The following FKBP15 variants were observed in gnomAD, a reference collection of about 807,000 sequenced individuals.
FKBP15 encodes the protein FKBP prolyl isomerase family member 15.
FKBP15 carries 106 observed loss-of-function variants against 158.1 expected under a neutral mutation model. That is an observed-to-expected ratio of 0.67 (90% CI 0.57 to 0.79). The LOEUF (loss-of-function observed/expected upper bound fraction) is 0.79. Among genes scored for constraint, FKBP15 ranks in the 30% least tolerant of loss-of-function variants. The pLI, the probability that FKBP15 is intolerant of heterozygous loss-of-function variation, is 0.00. For synonymous variants in FKBP15, 547 were observed against 548.6 expected (o/e 1.00, Z 0.04); for missense variants, 1,287 against 1,479.1 (o/e 0.87, Z 2.13).
chr9:113,205,708 A>G (rs891903382), intron 4 of FKBP15, among the ~76,000 whole-genome samples: 1 of 152,218 alleles, frequency 6.6e-6, no homozygotes, highest in African/African-American at 2.4e-5. Context: ...CTTTTATGTC[A>G]GTCTTCACGA....
chr9:113,210,157 C>T (rs1196875775), intron 2 of FKBP15, among the ~76,000 whole-genome samples: 3 of 152,132 alleles, frequency 2.0e-5, no homozygotes, highest in Non-Finnish European at 1.5e-5. Context: ...CCCAACAAAG[C>T]GCACGCTATC....
At chr9:113,193,087 T>C (rs1830605124) in intron 11 of FKBP15, among the ~76,000 whole-genome samples, 2 of 152,174 alleles carry the variant, frequency 1.3e-5, no homozygotes, top group Admixed American at 1.3e-4. Flanking sequence ...TGAGTTCCTT[T>C]TAACTAATGA....
At chr9:113,204,729 C>A (rs1366827224) in intron 4 of FKBP15, among the ~76,000 whole-genome samples, 1 of 152,150 alleles carries the variant, frequency 6.6e-6, no homozygotes, top group Non-Finnish European at 1.5e-5. Flanking sequence ...AATTCTGTCT[C>A]CTGCTGTATT....
At chr9:113,193,310 C>T in intron 11 of FKBP15, among the ~76,000 whole-genome samples, 182 bp downstream of exon 11, 1 of 152,108 alleles carries the variant, frequency 6.6e-6, no homozygotes. Flanking sequence ...CATAAAACCT[C>T]AGCACACTAG....
chr9:113,207,932 C>T (rs1055172986), intron 2 of FKBP15, among the ~76,000 whole-genome samples: 1 of 152,164 alleles, frequency 6.6e-6, no homozygotes, highest in African/African-American at 2.4e-5. Context: ...TTATTTTCTC[C>T]TTCCAGTATT....
chr9:113,176,440 A>AT, intron 21 of FKBP15, 97 bp downstream of exon 21: 1 of 1,328,814 alleles, frequency 7.5e-7, no homozygotes, highest in Non-Finnish European at 1.0e-6. Context: ...TATTATTTGT[A>AT]TTTGTTACAA....
chr9:113,196,663 G>A (rs999523777), intron 9 of FKBP15, among the ~76,000 whole-genome samples: 12 of 152,020 alleles, frequency 7.9e-5, no homozygotes, highest in Admixed American at 5.9e-4. Flanking sequence ...GATTACAGGC[G>A]TGAGCCACTG....
Position 113,163,476 on chromosome 9 carries a change from T to A in FKBP15, c.*2602A>T, listed in dbSNP as rs1186822529. ...TCATGTTGACAAACTAAGTTTTTTT[T>A]ATTTTTCCCATTGAACTCCTAGTTG... On this transcript the variant is annotated 3_prime_UTR_variant, in exon 28 of 28. Coordinates refer to ENST00000238256, the MANE Select transcript of FKBP15 (RefSeq NM_015258.2). 2 of 152,668 alleles carry A rather than the reference T, an allele frequency of 1.3e-5. No individual in the cohort carries two copies. Among genetic ancestry groups the A allele is most frequent in the African/African-American group, 4.8e-5 (2 of 41,452 alleles). 9.5% of individuals were successfully genotyped at this position (152,668 alleles called of 1,614,324 possible). A position where few individuals can be genotyped will look rare whatever the true frequency, so the allele number is the denominator to read the frequency against.
intron 19 of FKBP15, among the ~76,000 whole-genome samples, chr9:113,182,214 G>A (rs527673513): frequency 6.6e-6 from 1 of 152,260 alleles, no homozygotes; most frequent in South Asian, 2.1e-4. Flanking sequence ...GCTGATGAGT[G>A]GTAGCCCAAA....
chr9:113,220,982 AAG>A, intron 1 of FKBP15, among the ~76,000 whole-genome samples: 1 of 152,312 alleles, frequency 6.6e-6, no homozygotes, highest in Middle Eastern at 3.4e-3. Context: ...TCTTCCCGCC[AAG>A]AGAGATGCCG....
Position 113,162,157 on chromosome 9 carries a change from C to A in FKBP15, c.*3921G>T. ...GCAACCATTTAGGGTCCCTGTTCTGCCCTCTGTCCAGCCCCAGCCTCACCT... is the reference window on the plus strand; with the variant it reads ...GCAACCATTTAGGGTCCCTGTTCTGACCTCTGTCCAGCCCCAGCCTCACCT... On this transcript the variant is annotated 3_prime_UTR_variant, in exon 28 of 28. Coordinates refer to ENST00000238256, the MANE Select transcript of FKBP15 (RefSeq NM_015258.2). 3.1e-6 allele frequency: 1 copy of A among 323,776 alleles called. No homozygotes were observed. Among genetic ancestry groups the A allele is most frequent in the South Asian group, 2.6e-5 (1 of 38,234 alleles). 20.1% of individuals were successfully genotyped at this position (323,776 alleles called of 1,614,324 possible).
In FKBP15 at chr9:113,186,288, A is replaced by G. The variant is rs1830484053; in HGVS notation, c.1459T>C (p.Leu487=). ...VTSQLQPVRP[L]YPAPLSQPPH... is the part of the protein sequence containing the mutation. ...GGCTGAGAGAGCGGTGCTGGGTACA[A>G]AGGCCGAACGGGCTGCAGCTGGGAG... The change falls in exon 15 of 28, where the codon TTG becomes CTG. Residue 487 remains leucine, a synonymous_variant. Transcript: ENST00000238256. 1 of 1,570,340 alleles carries G rather than the reference A, an allele frequency of 6.4e-7. No homozygotes were observed. Among genetic ancestry groups the G allele is most frequent in the Admixed American group, 1.9e-5 (1 of 53,454 alleles).
In FKBP15 at chr9:113,169,397, C is replaced by T. The variant is rs1284790351; in HGVS notation, c.3312G>A (p.Glu1104=). The change falls in exon 26 of 28, where the codon GAG becomes GAA. Residue 1104 remains glutamate, a synonymous_variant. Coordinates refer to ENST00000238256, the MANE Select transcript of FKBP15 (RefSeq NM_015258.2). The part of the protein sequence containing the change: ...TRLSLTSDPE[E]GDPLALGPES... ...CAGGCCCTAAGGCCAGTGGGTCCCC[C>T]TCCTCGGGGTCTGAAGTCAGGGACA... 9 of 1,613,928 alleles carry T rather than the reference C, an allele frequency of 5.6e-6. No individual in the cohort carries two copies. The African/African-American group carries it at 1.2e-4, about 22-fold the overall frequency.
chr9:113,198,802 G>A lies in FKBP15; in HGVS notation c.717+53C>T, dbSNP rs1158953798. ...AGGAATTCCACAAAATTTAATCTAAGTTAAACCCACTGCAACTGATAAAAC... is the reference window on the plus strand; with the variant it reads ...AGGAATTCCACAAAATTTAATCTAAATTAAACCCACTGCAACTGATAAAAC... On this transcript the variant is annotated intron_variant, in intron 8 of 27. Coordinates refer to ENST00000238256, the MANE Select transcript of FKBP15 (RefSeq NM_015258.2). The surrounding 1 kb of genome is among the most constrained non-coding windows in gnomAD (Gnocchi z 5.2). The A allele has an allele frequency of 8.3e-7, 1 of 1,207,610 alleles. No homozygotes were observed. The highest frequency in any genetic ancestry group is 1.5e-5 in the African/African-American group (1 of 65,006). 74.8% of individuals were successfully genotyped at this position (1,207,610 alleles called of 1,614,324 possible).
chr9:113,161,130 T>C lies in FKBP15; in HGVS notation c.*4948A>G, dbSNP rs1020251059. ...GTATCCTACTTTGCTGAGATAACTA[T>C]TACTCTTGTGCTATTTATCTTTCCT... On this transcript the variant is annotated 3_prime_UTR_variant, in exon 28 of 28. Transcript: ENST00000238256. 2 of 185,292 alleles carry C rather than the reference T, an allele frequency of 1.1e-5. No homozygotes were observed. The highest frequency in any genetic ancestry group is 4.8e-5 in the African/African-American group (2 of 41,970). 11.5% of individuals were successfully genotyped at this position (185,292 alleles called of 1,614,324 possible). A position where few individuals can be genotyped will look rare whatever the true frequency, so the allele number is the denominator to read the frequency against.
intron 8 of FKBP15, among the ~76,000 whole-genome samples, chr9:113,197,735 G>A (rs1273790967): frequency 6.6e-6 from 1 of 152,154 alleles, no homozygotes; most frequent in Non-Finnish European, 1.5e-5. Context: ...TCTTGTTTAA[G>A]CCCCTCCAAA....
rs115873190 is a variant in FKBP15 at position 113,175,533 on chromosome 9, C to T, written c.2224-950G>A. Among the ~76,000 whole-genome samples, 728 of 152,208 alleles carry T rather than the reference C, an allele frequency of 4.8e-3. 5 individuals carry two copies. Among genetic ancestry groups the T allele is most frequent in the African/African-American group, 0.016 (680 of 41,510 alleles). On this transcript the variant is annotated intron_variant, in intron 21 of 27. Transcript: ENST00000238256. ...CATATTTAAACGATTCCAGAACAGACAAAAAGATAGAAATGTTCTCACTTT... is the reference window on the plus strand; with the variant it reads ...CATATTTAAACGATTCCAGAACAGATAAAAAGATAGAAATGTTCTCACTTT...
chr9:113,184,689 A>C lies in FKBP15; in HGVS notation c.1608+6T>G. The stretch of plus-strand genomic sequence containing the variant: ...TTCAACATCACCCCAACTCTGACTC[A>C]GTCACCTTAGTCATGAGATGATCCA... On this transcript the variant is annotated splice_donor_region_variant and intron_variant, in intron 16 of 27. Coordinates refer to ENST00000238256, the MANE Select transcript of FKBP15 (RefSeq NM_015258.2). The surrounding 1 kb of genome is among the most constrained non-coding windows in gnomAD (Gnocchi z 4.5). 1 of 1,595,172 alleles carries C rather than the reference A, an allele frequency of 6.3e-7. No individual in the cohort carries two copies. Among genetic ancestry groups the C allele is most frequent in the Non-Finnish European group, 8.6e-7 (1 of 1,169,188 alleles).
intron 20 of FKBP15, 119 bp from the exon 21 acceptor site, chr9:113,176,792 A>G: frequency 9.1e-7 from 1 of 1,098,552 alleles, no homozygotes; most frequent in Admixed American, 2.6e-5. Context: ...TCCATCACTC[A>G]GGCTGGAGTG....
Sources: allele counts gnomAD v4.1 joint callset (sites outside exome capture counted in the v4.1 genomes callset), GRCh38; gene constraint gnomAD v4.1.1; non-coding constraint Gnocchi (gnomAD v3.1); transcripts MANE v1.5; gene names NCBI Gene and HGNC (gene_info 2026-07-23, HGNC 2026-07-21).